Variants in MYCBP2 observed in about 807,000 individuals in gnomAD.
MYCBP2 encodes the protein E3 ubiquitin-protein ligase MYCBP2.
Under a neutral mutation model 525.3 loss-of-function variants are expected in MYCBP2, and 120 were observed. That is an observed-to-expected ratio of 0.23 (90% CI 0.20 to 0.27). The LOEUF is 0.27. MYCBP2 is among the 10% of genes least tolerant of loss of function. The pLI is 1.00. For synonymous variants in MYCBP2, 1,894 were observed against 1,955.8 expected, an observed-to-expected ratio of 0.97 and a Z score of 0.83; for missense variants, 4,149 against 5,657.1, an observed-to-expected ratio of 0.73 and a Z score of 8.55.
At chr13:77,164,592 C>T (rs750778643) in intron 42 of MYCBP2, 51 bp from the exon 43 acceptor site, 34 of 1,056,296 alleles carry the variant, frequency 3.2e-5, no homozygotes, top group South Asian at 1.0e-4. Context: ...AATGATAATA[C>T]GGATTATCAA....
At chr13:77,318,253 T>C (rs1335327406) in intron 1 of MYCBP2, among the ~76,000 whole-genome samples, 2 of 152,218 alleles carry the variant, frequency 1.3e-5, no homozygotes, top group East Asian at 1.9e-4. Context: ...AGATCAGCAC[T>C]GGTGAATGAA....
At chr13:77,069,356 C>A (rs760864082) in intron 69 of MYCBP2, among the ~76,000 whole-genome samples, 15 of 152,322 alleles carry the variant, frequency 9.8e-5, no homozygotes, top group Non-Finnish European at 1.6e-4. Flanking sequence ...GGTGCCGTGG[C>A]TCACGCCTGT....
Position 77,326,834 on chromosome 13 carries a change from C to T in MYCBP2, c.-59G>A. 1 of 1,365,676 alleles carries T rather than the reference C, an allele frequency of 7.3e-7. No individual in the cohort carries two copies. Among genetic ancestry groups the T allele is most frequent in the South Asian group, 1.8e-5 (1 of 55,888 alleles). 84.6% of individuals were successfully genotyped at this position (1,365,676 alleles called of 1,614,324 possible). A position where few individuals can be genotyped will look rare whatever the true frequency, so the allele number is the denominator to read the frequency against. ...CCCGCGGGCCGGGCGGGCAGACACG[C>T]GCGCGCACACACAGCCCTTTTCCAA... On this transcript the variant is annotated 5_prime_UTR_variant, in exon 1 of 83. Coordinates refer to ENST00000544440, the MANE Select transcript of MYCBP2 (RefSeq NM_015057.5). This position sits in a 1 kb window ranked among gnomAD's most constrained non-coding sequence, Gnocchi z 4.2.
In MYCBP2 at chr13:77,098,120, C is replaced by T. The variant is rs925797349; in HGVS notation, c.9034G>A (p.Gly3012Arg). 2 of 1,613,620 alleles carry T rather than the reference C, an allele frequency of 1.2e-6. No homozygotes were observed. The highest frequency in any genetic ancestry group is 1.7e-6 in the Non-Finnish European group (2 of 1,179,770). ...EKSSFLFKGD[G>R]SKPLEPAKQA... ...TTGGCTGGCTCTAAAGGCTTGGATC[C>T]ATCTCCTTTGAAAAGAAAACTCGAT... The change falls in exon 56 of 83, where the codon GGA (glycine) becomes AGA (arginine). Residue 3012 changes from glycine (G) to arginine (R), a missense_variant. Physicochemically the swap from Gly to Arg is moderately radical, Grantham distance 125. Transcript: ENST00000544440.
At chr13:77,179,694 T>G (rs1457990347) in intron 34 of MYCBP2, among the ~76,000 whole-genome samples, 1 of 152,334 alleles carries the variant, frequency 6.6e-6, no homozygotes, top group East Asian at 1.9e-4. Flanking sequence ...TATTCCAATT[T>G]TAAGTATGTA....
intron 1 of MYCBP2, among the ~76,000 whole-genome samples, chr13:77,314,359 C>G (rs1297075054): frequency 6.6e-6 from 1 of 152,134 alleles, no homozygotes; most frequent in South Asian, 2.1e-4. Flanking sequence ...TGGAAGCAAC[C>G]CAATTGTCCT....
intron 18 of MYCBP2, among the ~76,000 whole-genome samples, chr13:77,228,467 A>G (rs1211920166): frequency 2.6e-5 from 4 of 151,154 alleles, no homozygotes; most frequent in Non-Finnish European, 5.9e-5. Context: ...TGATCATGCC[A>G]TTGCACTCCA....
At position 77,205,685 on chromosome 13, in the gene MYCBP2, T is replaced by C. The variant is rs964835074; in HGVS notation, c.3590-87A>G. ...ACATTAAATGCTATAGGGGATAAATTAAAATAAATAAACTCAGAATGTTAC... is the reference window on the plus strand; with the variant it reads ...ACATTAAATGCTATAGGGGATAAATCAAAATAAATAAACTCAGAATGTTAC... On this transcript the variant is annotated intron_variant, in intron 24 of 82. Transcript: ENST00000544440. 3.4e-5 allele frequency: 37 copies of C among 1,101,538 alleles called. No homozygotes were observed. In the African/African-American group the frequency reaches 5.5e-4, roughly 16 times the overall value. The allele number at this position is 1,101,538 out of a possible 1,614,324, so 68.2% of individuals were successfully genotyped here.
intron 20 of MYCBP2, among the ~76,000 whole-genome samples, chr13:77,220,080 A>C (rs1382909656): frequency 6.6e-6 from 1 of 152,166 alleles, no homozygotes; most frequent in Non-Finnish European, 1.5e-5. Context: ...TACCTTCCAG[A>C]AGCCTAAGTA....
chr13:77,263,170 G>A (rs1052059117), intron 10 of MYCBP2, among the ~76,000 whole-genome samples: 2 of 151,902 alleles, frequency 1.3e-5, no homozygotes, highest in African/African-American at 2.4e-5. Flanking sequence ...CCGTGTGTAA[G>A]GCCAATTACC....
chr13:77,198,498 G>A (rs1448921097), intron 26 of MYCBP2, among the ~76,000 whole-genome samples: 2 of 152,114 alleles, frequency 1.3e-5, no homozygotes, highest in African/African-American at 2.4e-5. Flanking sequence ...ACATTTAATC[G>A]AGATTTTTTT....
intron 3 of MYCBP2, among the ~76,000 whole-genome samples, chr13:77,286,889 G>GT (rs1460289282): frequency 1.2e-3 from 154 of 127,788 alleles, no homozygotes; most frequent in African/African-American, 4.4e-3. Context: ...TATAATACAG[G>GT]TTTTTTGTTT....
chr13:77,243,311 G>A (rs925461366), intron 16 of MYCBP2, 151 bp from the exon 17 acceptor site: 49 of 700,456 alleles, frequency 7.0e-5, no homozygotes, highest in Admixed American at 6.0e-4. Context: ...TAGCCAAAAA[G>A]GGAAAAAGAA....
intron 48 of MYCBP2, among the ~76,000 whole-genome samples, chr13:77,145,277 T>C (rs1203290515): frequency 1.3e-5 from 2 of 152,204 alleles, no homozygotes; most frequent in Admixed American, 1.3e-4. Context: ...TAGCATCTGA[T>C]AGCTGACAAC....
At chr13:77,209,681 A>G (rs866556590) in intron 23 of MYCBP2, among the ~76,000 whole-genome samples, 37 of 152,092 alleles carry the variant, frequency 2.4e-4, no homozygotes, top group African/African-American at 8.0e-4. Context: ...TATTTCATCT[A>G]CCCTGCACAA....
intron 1 of MYCBP2, among the ~76,000 whole-genome samples, chr13:77,316,308 A>G (rs1343345720): frequency 6.6e-6 from 1 of 152,276 alleles, no homozygotes; most frequent in Non-Finnish European, 1.5e-5. Context: ...AACTAGTTAC[A>G]GTAGCACTAA....
chr13:77,147,285 G>A (rs2055748287), intron 47 of MYCBP2, among the ~76,000 whole-genome samples: 1 of 152,018 alleles, frequency 6.6e-6, no homozygotes, highest in Admixed American at 6.6e-5. Context: ...TGGGTCTGAG[G>A]AAGGGTTTAG....
At chr13:77,118,267 T>A (rs1244921366) in intron 55 of MYCBP2, 8 of 637,490 alleles carry the variant, frequency 1.3e-5, no homozygotes, top group Non-Finnish European at 2.0e-5. Flanking sequence ...TGATAACTAA[T>A]TAGTAACTGA....
intron 76 of MYCBP2, among the ~76,000 whole-genome samples, chr13:77,060,593 A>C (rs573114738): frequency 6.6e-6 from 1 of 152,372 alleles, no homozygotes; most frequent in African/African-American, 2.4e-5. Context: ...CAGCAAAATG[A>C]AAACTATGTT....
Sources: allele counts gnomAD v4.1 joint callset (sites outside exome capture counted in the v4.1 genomes callset), GRCh38; gene constraint gnomAD v4.1.1; non-coding constraint Gnocchi (gnomAD v3.1); transcripts MANE v1.5; gene names NCBI Gene and HGNC (gene_info 2026-07-23, HGNC 2026-07-21).